The following SLC17A1 variants were observed in gnomAD, a reference collection of about 807,000 sequenced individuals.
The protein encoded by SLC17A1 is sodium-dependent phosphate transport protein 1.
A neutral mutation model predicts 53.5 loss-of-function variants in SLC17A1; 51 were observed. That is an observed-to-expected ratio of 0.95 (90% CI 0.76 to 1.20). The LOEUF is 1.20. Among genes scored for constraint, SLC17A1 ranks in the 50% most tolerant of loss-of-function variants. The pLI, the probability that SLC17A1 is intolerant of heterozygous loss-of-function variation, is 0.00. For synonymous variants in SLC17A1, 179 were observed against 198.8 expected (o/e 0.90, Z 0.84); for missense variants, 538 against 568.2 (o/e 0.95, Z 0.54).
chr6:25,757,436 T>C, the SLC17A1 span, among the ~76,000 whole-genome samples: 1 of 152,130 alleles, frequency 6.6e-6, no homozygotes, highest in Admixed American at 6.6e-5. Flanking sequence ...TCAGTAGTAA[T>C]AGATTTATTG....
At chr6:25,805,947 A>G (rs758586691) in intron 10 of SLC17A1, among the ~76,000 whole-genome samples, 50 of 152,132 alleles carry the variant, frequency 3.3e-4, no homozygotes, top group Non-Finnish European at 5.7e-4. Flanking sequence ...ATTCTACCAG[A>G]CAATCAAAGA....
At chr6:25,803,679 C>A (rs991965000) in intron 10 of SLC17A1, among the ~76,000 whole-genome samples, 4 of 151,954 alleles carry the variant, frequency 2.6e-5, no homozygotes, top group African/African-American at 7.3e-5. Context: ...AGTATCTGAA[C>A]CTCAGTTTCT....
the SLC17A1 span, chr6:25,731,901 G>A: frequency 3.7e-6 from 6 of 1,602,742 alleles, no homozygotes; most frequent in Admixed American, 3.4e-5. Flanking sequence ...GGTGATGGTC[G>A]AGCGCTTGTC....
At chr6:25,746,790 C>A in the SLC17A1 span, among the ~76,000 whole-genome samples, 1 of 152,148 alleles carries the variant, frequency 6.6e-6, no homozygotes, top group African/African-American at 2.4e-5. Flanking sequence ...CCTTGCGTAT[C>A]CCCTTCTGAC....
the SLC17A1 span, among the ~76,000 whole-genome samples, chr6:25,748,031 T>C: frequency 6.6e-6 from 1 of 152,208 alleles, no homozygotes; most frequent in African/African-American, 2.4e-5. Context: ...TATTTGTTAC[T>C]TATTTTACAT....
At chr6:25,782,539 C>T (rs1763289464), downstream of SLC17A1, among the ~76,000 whole-genome samples, 1 of 152,064 alleles carries the variant, frequency 6.6e-6, no homozygotes, top group East Asian at 1.9e-4. Context: ...GGAAAAGGAC[C>T]AGATTTTTCT....
chr6:25,796,864 TCTCTTA>T (rs1174575098), intron 12 of SLC17A1, among the ~76,000 whole-genome samples: 1 of 152,192 alleles, frequency 6.6e-6, no homozygotes, highest in Non-Finnish European at 1.5e-5. Context: ...TCAGCCCCTC[TCTCTTA>T]ACTGAGAACC....
Position 25,811,394 on chromosome 6 carries a change from C to T in SLC17A1, c.1178+4G>A, listed in dbSNP as rs776895009. ...TTAAAAAAAAGCGTATAAACAAATC[C>T]TACCTGGGAGCAATATCCAAGCCAT... On this transcript the variant is annotated splice_donor_region_variant and intron_variant, in intron 10 of 12. Transcript: ENST00000244527. The T allele has an allele frequency of 1.9e-6, 3 of 1,605,544 alleles. No individual in the cohort carries two copies. Among genetic ancestry groups the T allele is most frequent in the Non-Finnish European group, 2.6e-6 (3 of 1,175,080 alleles).
chr6:25,802,472 A>G (rs1320390206), intron 10 of SLC17A1, among the ~76,000 whole-genome samples: 2 of 151,956 alleles, frequency 1.3e-5, no homozygotes, highest in Non-Finnish European at 2.9e-5. Flanking sequence ...TTTATATGAA[A>G]TTATTATTCT....
intron 2 of SLC17A1, among the ~76,000 whole-genome samples, chr6:25,827,713 A>G (rs79072517): frequency 1.3e-5 from 2 of 152,280 alleles, no homozygotes; most frequent in African/African-American, 4.8e-5. Flanking sequence ...ATTTGGGACC[A>G]TAATACATCT....
chr6:25,821,388 T>G (rs1165151), intron 3 of SLC17A1, among the ~76,000 whole-genome samples: 99,066 of 152,126 alleles, frequency 0.65, 34,147 homozygotes, highest in African/African-American at 0.88. Context: ...AGGCACATCC[T>G]TATAGTAGCC....
the SLC17A1 span, chr6:25,770,462 G>T: frequency 3.1e-6 from 5 of 1,613,870 alleles, no homozygotes; most frequent in African/African-American, 6.7e-5. Flanking sequence ...CACCACCATT[G>T]CTGGATCAGG....
In SLC17A1 at chr6:25,811,784, AT is replaced by A; in HGVS notation, c.898-15del. 6.2e-7 allele frequency: 1 copy of A among 1,613,384 alleles called. No homozygotes were observed. Among genetic ancestry groups the A allele is most frequent in the Non-Finnish European group, 8.5e-7 (1 of 1,179,572 alleles). The stretch of plus-strand genomic sequence containing the variant: ...CAAGAACCCATTCTGAAGAGGAAAC[AT>A]TATTCTTGGAGTGAGTTTGATGGGT... On this transcript the variant is annotated splice_polypyrimidine_tract_variant and intron_variant, in intron 8 of 12. Transcript: ENST00000244527.
downstream of SLC17A1, among the ~76,000 whole-genome samples, chr6:25,782,531 A>T (rs145651528): frequency 4.0e-3 from 612 of 152,268 alleles, 3 homozygotes; most frequent in African/African-American, 0.014. Flanking sequence ...GATAGGAAGG[A>T]AAAGGACCAG....
chr6:25,770,220 CT>C, the SLC17A1 span: 1 of 1,613,996 alleles, frequency 6.2e-7, no homozygotes, highest in African/African-American at 1.3e-5. Flanking sequence ...TTCCTCATTC[CT>C]GACCCTCTTC....
the SLC17A1 span, among the ~76,000 whole-genome samples, chr6:25,756,323 C>T: frequency 3.3e-5 from 5 of 152,296 alleles, no homozygotes; most frequent in South Asian, 4.2e-4. Context: ...TCTTGCTCAG[C>T]GCTGTCTCCT....
chr6:25,760,022 C>T, the SLC17A1 span, among the ~76,000 whole-genome samples: 5 of 152,260 alleles, frequency 3.3e-5, no homozygotes, highest in East Asian at 1.9e-4. Context: ...TGGTACACAC[C>T]GTGAAGCAGC....
At chr6:25,816,606 T>A (rs1212154730) in intron 6 of SLC17A1, among the ~76,000 whole-genome samples, 1 of 152,214 alleles carries the variant, frequency 6.6e-6, no homozygotes, top group African/African-American at 2.4e-5. Context: ...ACAGAAGCCA[T>A]AAGTGATCTT....
At chr6:25,771,345 A>C in the SLC17A1 span, among the ~76,000 whole-genome samples, 1 of 152,078 alleles carries the variant, frequency 6.6e-6, no homozygotes, top group Non-Finnish European at 1.5e-5. Flanking sequence ...AGGCTGAGGC[A>C]GGTGGATCAC....
Sources: allele counts gnomAD v4.1 joint callset (sites outside exome capture counted in the v4.1 genomes callset), GRCh38; gene constraint gnomAD v4.1.1; transcripts MANE v1.5; gene names NCBI Gene and HGNC (gene_info 2026-07-23, HGNC 2026-07-21).